Variants in ECT2L observed in about 807,000 individuals in gnomAD.
ECT2L encodes epithelial cell transforming 2 like, also known as epithelial cell-transforming sequence 2 oncogene-like.
Under a neutral mutation model 122.8 loss-of-function variants are expected in ECT2L, and 126 were observed. The ratio of observed to expected loss-of-function variants is 1.03; its 90% CI spans 0.89 to 1.19. The LOEUF (loss-of-function observed/expected upper bound fraction) is 1.19. ECT2L is among the 50% of genes most tolerant of loss of function. ECT2L has a pLI of 0.00. For missense variants in ECT2L, 1,012 were observed against 1,064.1 expected, an observed-to-expected ratio of 0.95 and a Z score of 0.68; for synonymous variants, 385 against 381.8, an observed-to-expected ratio of 1.01 and a Z score of -0.10.
At chr6:138,883,846 TTAAA>T (rs1778721262) in intron 16 of ECT2L, among the ~76,000 whole-genome samples, 1 of 152,204 alleles carries the variant, frequency 6.6e-6, no homozygotes, top group African/African-American at 2.4e-5. Context: ...AGTACTTAGC[TTAAA>T]TGTTAGTTAT....
chr6:138,848,153 C>T (rs907024997), intron 8 of ECT2L, among the ~76,000 whole-genome samples: 1 of 152,152 alleles, frequency 6.6e-6, no homozygotes, highest in Admixed American at 6.5e-5. Context: ...TCCCTCGACA[C>T]ACAGGGATTA....
chr6:138,893,870 C>T (rs1054280716), intron 20 of ECT2L, among the ~76,000 whole-genome samples: 1 of 152,184 alleles, frequency 6.6e-6, no homozygotes, highest in Non-Finnish European at 1.5e-5. Flanking sequence ...ACCCTTCAAG[C>T]ATCCCTACTC....
chr6:138,863,751 G>A (rs1029066632), intron 11 of ECT2L, among the ~76,000 whole-genome samples: 1 of 151,686 alleles, frequency 6.6e-6, no homozygotes, highest in Non-Finnish European at 1.5e-5. Flanking sequence ...GAGTAGCTGG[G>A]ACTACAGGCA....
intron 20 of ECT2L, 57 bp downstream of exon 20, chr6:138,889,088 T>G: frequency 2.2e-6 from 2 of 902,228 alleles, no homozygotes; most frequent in Non-Finnish European, 3.3e-6. Context: ...GGTGACTGTC[T>G]TACTCATCCT....
At chr6:138,803,087 A>AT (rs34652782) in intron 1 of ECT2L, among the ~76,000 whole-genome samples, 58,618 of 150,194 alleles carry the variant, frequency 0.39, 12,300 homozygotes, top group East Asian at 0.54. Context: ...AAAAAAAAAA[A>AT]AATAATAATG....
intron 1 of ECT2L, among the ~76,000 whole-genome samples, chr6:138,797,232 G>A (rs886657207): frequency 6.6e-6 from 1 of 152,096 alleles, no homozygotes; most frequent in Non-Finnish European, 1.5e-5. Flanking sequence ...AACTGGAATT[G>A]TCTTTCATTT....
intron 1 of ECT2L, among the ~76,000 whole-genome samples, chr6:138,803,364 C>T (rs906691492): frequency 3.7e-4 from 56 of 151,570 alleles, no homozygotes; most frequent in Non-Finnish European, 7.5e-4. Flanking sequence ...ACTATGCTCA[C>T]ATATTTAAGC....
At chr6:138,885,447 G>T (rs1778784054) in intron 16 of ECT2L, 59 bp from the exon 17 acceptor site, 1 of 1,500,106 alleles carries the variant, frequency 6.7e-7, no homozygotes, top group South Asian at 1.1e-5. Flanking sequence ...TTGCTCAGTG[G>T]AACAGTGGAC....
At chr6:138,871,808 A>G (rs781683299) in intron 13 of ECT2L, among the ~76,000 whole-genome samples, 47 of 151,788 alleles carry the variant, frequency 3.1e-4, no homozygotes, top group Non-Finnish European at 6.3e-4. Flanking sequence ...CTATCTCAAA[A>G]ACAAACAAAC....
chr6:138,801,823 A>G (rs1227402524), intron 1 of ECT2L, among the ~76,000 whole-genome samples: 1 of 152,224 alleles, frequency 6.6e-6, no homozygotes, highest in African/African-American at 2.4e-5. Flanking sequence ...ATATGGAAAC[A>G]GTAGGAAAAC....
In ECT2L at chr6:138,814,701, A is replaced by G. The variant is rs563863500; in HGVS notation, c.179+98A>G. ...TAAGAGATTTTTTGTTCCTAGGGAG[A>G]AAAAAAAACAAGGTAATTGATATTT... On this transcript the variant is annotated intron_variant, in intron 4 of 21. Transcript: ENST00000541398. 110 of 666,166 alleles carry G rather than the reference A, an allele frequency of 1.7e-4. No individual in the cohort carries two copies. In the African/African-American group the frequency reaches 1.9e-3, roughly 11 times the overall value. The allele number at this position is 666,166 out of a possible 1,614,324, so 41.3% of individuals were successfully genotyped here.
At chr6:138,896,977 T>A (rs1017223290) in intron 20 of ECT2L, among the ~76,000 whole-genome samples, 1 of 152,216 alleles carries the variant, frequency 6.6e-6, no homozygotes, top group Non-Finnish European at 1.5e-5. Flanking sequence ...TATGTATTTA[T>A]ACAAGTTGGG....
intron 4 of ECT2L, among the ~76,000 whole-genome samples, chr6:138,833,699 G>A (rs9689362): frequency 0.091 from 13,918 of 152,142 alleles, 899 homozygotes; most frequent in East Asian, 0.27. Flanking sequence ...CTGCTCAGGA[G>A]GCTGAGACAG....
intron 11 of ECT2L, 44 bp from the exon 12 acceptor site, chr6:138,864,952 T>C: frequency 6.4e-7 from 1 of 1,564,646 alleles, no homozygotes; most frequent in Non-Finnish European, 8.7e-7. Flanking sequence ...AATTGTTTCA[T>C]CTGAGCTCAA....
At chr6:138,804,609 A>ACT (rs1002782644) in intron 1 of ECT2L, among the ~76,000 whole-genome samples, 6 of 152,064 alleles carry the variant, frequency 3.9e-5, no homozygotes, top group African/African-American at 1.4e-4. Flanking sequence ...ACACACACAC[A>ACT]CAATATTTCT....
chr6:138,874,001 G>C (rs1778356403), intron 13 of ECT2L, among the ~76,000 whole-genome samples: 1 of 151,628 alleles, frequency 6.6e-6, no homozygotes, highest in Non-Finnish European at 1.5e-5. Flanking sequence ...GTTTTTGTCT[G>C]CCTATAATGT....
intron 10 of ECT2L, 56 bp from the exon 11 acceptor site, chr6:138,862,570 TG>T (rs2128399127): frequency 6.6e-7 from 1 of 1,512,810 alleles, no homozygotes; most frequent in Non-Finnish European, 9.2e-7. Flanking sequence ...CCAAGTTATA[TG>T]ATCTTCCATG....
At chr6:138,802,203 C>T (rs553179425) in intron 1 of ECT2L, among the ~76,000 whole-genome samples, 3 of 152,218 alleles carry the variant, frequency 2.0e-5, no homozygotes, top group African/African-American at 7.2e-5. Context: ...TTAGGAGGAA[C>T]TGTATCCCTC....
At position 138,804,236 on chromosome 6, in the gene ECT2L, A is replaced by C. The variant is rs560623398; in HGVS notation, c.-244+8044A>C. On this transcript the variant is annotated intron_variant, in intron 1 of 21. Transcript: ENST00000541398. Reference sequence around the variant, plus strand: ...GTAATTGATTTTATACATATGAAAAAATTTTAGATAGTTGATGCGTGTGTA... The same window carrying C: ...GTAATTGATTTTATACATATGAAAACATTTTAGATAGTTGATGCGTGTGTA... 2.6e-5 allele frequency among the ~76,000 whole-genome samples: 4 copies of C among 152,302 alleles called. No individual in the cohort carries two copies. The East Asian group carries it at 5.8e-4, about 22-fold the overall frequency.
Sources: gnomAD v4.1 joint callset for allele counts (sites outside exome capture counted in the v4.1 genomes callset) on GRCh38, gnomAD v4.1.1 for gene constraint, MANE v1.5 for transcripts, NCBI Gene and HGNC (gene_info 2026-07-23, HGNC 2026-07-21) for gene names.